FGF13: variants seen among roughly 807,000 people sequenced by gnomAD.
FGF13 encodes the protein fibroblast growth factor 13.
In FGF13, 2 loss-of-function variants were observed where a neutral mutation model predicts 19.5. The ratio of observed to expected loss-of-function variants is 0.10; its 90% CI spans 0.04 to 0.32. FGF13 has a LOEUF of 0.32. FGF13 is among the 10% of genes least tolerant of loss of function. The pLI is 1.00. For synonymous variants in FGF13, 72 were observed against 76.9 expected, an observed-to-expected ratio of 0.94 and a Z score of 0.33; for missense variants, 113 against 192.7, an observed-to-expected ratio of 0.59 and a Z score of 2.45.
intron 1 of FGF13, among the ~76,000 whole-genome samples, chrX:138,720,301 C>G (rs1456776033): frequency 8.9e-6 from 1 of 112,086 alleles, no homozygotes; most frequent in Non-Finnish European, 1.9e-5. Context: ...TTTCCAAGAA[C>G]TTATTTATGA....
chrX:138,675,206 C>T lies in FGF13; in HGVS notation c.402+27778G>A, dbSNP rs1199064284. On this transcript the variant is annotated intron_variant, in intron 3 of 4. Transcript: ENST00000315930. ...CATGAGCTTGTTAAATCTATGGATACTGTTTCTCATGCCATTTTCTTCCCA... is the reference window on the plus strand; with the variant it reads ...CATGAGCTTGTTAAATCTATGGATATTGTTTCTCATGCCATTTTCTTCCCA... Among the ~76,000 whole-genome samples the T allele has an allele frequency of 2.7e-5, 3 of 112,379 alleles. No homozygotes were observed. The South Asian group carries it at 1.1e-3, about 41-fold the overall frequency.
chrX:138,877,467 A>C (rs1442734759), intron 1 of FGF13, among the ~76,000 whole-genome samples: 1 of 111,825 alleles, frequency 8.9e-6, no homozygotes, highest in Non-Finnish European at 1.9e-5. Context: ...CAGCCATTTA[A>C]ATAGTTTTTA....
chrX:138,900,249 A>T (rs944763295), intron 1 of FGF13, among the ~76,000 whole-genome samples: 11 of 111,106 alleles, frequency 9.9e-5, no homozygotes, highest in African/African-American at 3.6e-4. Flanking sequence ...TAACTCAGGG[A>T]TCCAGACAGG....
intron 3 of FGF13, among the ~76,000 whole-genome samples, chrX:138,667,110 T>C (rs1215067934): frequency 9.3e-6 from 1 of 108,077 alleles, no homozygotes; most frequent in East Asian, 2.8e-4. Context: ...TATTATGCTA[T>C]ATCATATATT....
At chrX:138,831,373 G>C (rs904697714) in intron 3 of FGF13, among the ~76,000 whole-genome samples, 10 of 110,993 alleles carry the variant, frequency 9.0e-5, no homozygotes, top group African/African-American at 3.3e-4. Context: ...AAAGCTACAG[G>C]CATGAGACTC....
chrX:138,780,877 C>T (rs901485806), intron 3 of FGF13, among the ~76,000 whole-genome samples: 1 of 109,837 alleles, frequency 9.1e-6, no homozygotes, highest in Non-Finnish European at 1.9e-5. Flanking sequence ...TTTTCAGCAC[C>T]ACACCACACC....
chrX:138,816,911 G>A (rs2124052780), intron 3 of FGF13, among the ~76,000 whole-genome samples: 1 of 112,015 alleles, frequency 8.9e-6, no homozygotes, highest in African/African-American at 3.2e-5. Flanking sequence ...TATTAGGAGA[G>A]CATTCAGGAC....
rs1308849042 is a variant in FGF13 at position 138,629,713 on chromosome X, T to C, written c.*3137A>G. On this transcript the variant is annotated 3_prime_UTR_variant, in exon 5 of 5. Coordinates refer to ENST00000315930, the MANE Select transcript of FGF13 (RefSeq NM_004114.5). ...TTATAGCAGCGTGAGAATGAACTAA[T>C]ACCAGTGGTTCTCAAAGTCCCGAGG... 9.0e-6 allele frequency: 1 copy of C among 111,220 alleles called. No individual in the cohort carries two copies. The highest frequency in any genetic ancestry group is 1.9e-5 in the Non-Finnish European group (1 of 53,125). 9.2% of individuals were successfully genotyped at this position (111,220 alleles called of 1,213,427 possible). A position where few individuals can be genotyped will look rare whatever the true frequency, so the allele number is the denominator to read the frequency against.
At chrX:138,934,629 A>G (rs774380164) in intron 1 of FGF13, among the ~76,000 whole-genome samples, 2 of 112,684 alleles carry the variant, frequency 1.8e-5, no homozygotes, top group South Asian at 7.4e-4. Context: ...AATGTGCTGT[A>G]GGTTGCAAAA....
intron 1 of FGF13, among the ~76,000 whole-genome samples, chrX:139,039,087 C>G (rs1430598668): frequency 8.9e-6 from 1 of 112,205 alleles, no homozygotes; most frequent in Non-Finnish European, 1.9e-5. Flanking sequence ...GCCTTCTTTA[C>G]TGGGTGGCTC....
chrX:138,777,450 T>G (rs972607413), intron 3 of FGF13, among the ~76,000 whole-genome samples: 2 of 111,862 alleles, frequency 1.8e-5, no homozygotes, highest in Non-Finnish European at 3.8e-5. Flanking sequence ...GAGGGTGCCC[T>G]GTACGTGAAG....
intron 3 of FGF13, among the ~76,000 whole-genome samples, chrX:138,844,244 A>G (rs141007648): frequency 1.4e-3 from 156 of 112,171 alleles, no homozygotes; most frequent in African/African-American, 4.4e-3. Context: ...ATTCTCAGTG[A>G]TCCAATATTT....
intron 3 of FGF13, among the ~76,000 whole-genome samples, chrX:138,762,670 G>A: frequency 9.0e-6 from 1 of 111,492 alleles, no homozygotes. Context: ...GCAACAATAG[G>A]CAAGTCACTT....
chrX:139,163,681 A>G (rs2084055113), intron 1 of FGF13, among the ~76,000 whole-genome samples: 1 of 111,311 alleles, frequency 9.0e-6, no homozygotes. Context: ...ATGCAAATCA[A>G]TATTATAATA....
chrX:138,844,293 A>C (rs2091167797), intron 3 of FGF13, among the ~76,000 whole-genome samples: 1 of 112,187 alleles, frequency 8.9e-6, no homozygotes, highest in Admixed American at 9.5e-5. Context: ...GCTTAACTAC[A>C]TTCAAAAGGA....
chrX:138,743,786 GT>G (rs994937620), upstream of FGF13, among the ~76,000 whole-genome samples: 1 of 111,403 alleles, frequency 9.0e-6, no homozygotes, highest in African/African-American at 3.3e-5. Flanking sequence ...GTTTTGTTTA[GT>G]TTTTTTCATT....
intron 1 of FGF13, among the ~76,000 whole-genome samples, chrX:139,026,721 G>T (rs1284375394): frequency 2.7e-5 from 3 of 111,673 alleles, no homozygotes; most frequent in Non-Finnish European, 3.8e-5. Flanking sequence ...GAGGTGGGAG[G>T]ACTTGAGCCT....
intron 1 of FGF13, among the ~76,000 whole-genome samples, chrX:139,020,240 G>A (rs1461289831): frequency 3.6e-5 from 4 of 111,536 alleles, no homozygotes; most frequent in Non-Finnish European, 5.7e-5. Flanking sequence ...GTTCTGCTTT[G>A]TCCTTCCCTT....
chrX:139,188,270 T>A (rs2084297122), intron 1 of FGF13, among the ~76,000 whole-genome samples: 1 of 112,528 alleles, frequency 8.9e-6, no homozygotes, highest in Admixed American at 9.4e-5. Context: ...CATGTGTCTC[T>A]AAAGTATTGT....
Sources: allele counts gnomAD v4.1 joint callset (sites outside exome capture counted in the v4.1 genomes callset), GRCh38; gene constraint gnomAD v4.1.1; transcripts MANE v1.5; gene names NCBI Gene and HGNC (gene_info 2026-07-23, HGNC 2026-07-21).